Variants in UNC93A observed in about 807,000 individuals in gnomAD.
UNC93A encodes N-acetylglucosamine transporter UNC93A.
In UNC93A, 43 loss-of-function variants were observed where a neutral mutation model predicts 47.5. The ratio of observed to expected loss-of-function variants is 0.91; its 90% CI spans 0.71 to 1.17. The LOEUF (loss-of-function observed/expected upper bound fraction) is 1.17. Among genes scored for constraint, UNC93A ranks in the 50% most tolerant of loss-of-function variants. The pLI is 0.00. For synonymous variants in UNC93A, 280 were observed against 258.0 expected (o/e 1.09, Z -0.82); for missense variants, 605 against 577.6 (o/e 1.05, Z -0.49).
At position 167,315,325 on chromosome 6, in the gene UNC93A, G is replaced by A. The variant is rs769868900; in HGVS notation, c.1247G>A (p.Gly416Glu). Residue 416 changes from glycine (G) to glutamate (E), a missense_variant, in exon 8 of 8, where the codon GGG (glycine) becomes GAG (glutamate). Gly to Glu is a moderately conservative substitution (Grantham distance 98). Transcript: ENST00000230256. ...CVHVKLYILLGVLSLTMVAYG... is the reference protein window; with the variant it reads ...CVHVKLYILLEVLSLTMVAYG... ...CACGTCAAGCTCTACATTCTGCTGG[G>A]GGTCCTGAGCCTGACCATGGTGGCG... The A allele has an allele frequency of 6.2e-7, 1 of 1,613,924 alleles. No individual in the cohort carries two copies. The highest frequency in any genetic ancestry group is 1.1e-5 in the South Asian group (1 of 91,070).
chr6:167,275,092 G>C (rs190739217), intron 1 of UNC93A, among the ~76,000 whole-genome samples: 16 of 152,322 alleles, frequency 1.1e-4, no homozygotes, highest in Non-Finnish European at 2.2e-4. Context: ...CATAGGAGCT[G>C]ACCGTGGCAT....
rs185968029 is a variant in UNC93A at position 167,307,856 on chromosome 6, G to C, written c.1054G>C (p.Val352Leu). 1 of 1,613,976 alleles carries C rather than the reference G, an allele frequency of 6.2e-7. No individual in the cohort carries two copies. Among genetic ancestry groups the C allele is most frequent in the East Asian group, 2.2e-5 (1 of 44,870 alleles). Residue 352 changes from valine to leucine, a missense_variant, in exon 7 of 8, where the codon GTA becomes CTA. Transcript: ENST00000230256. The part of the protein sequence containing the change: ...PRADHLAVFF[V>L]FSGLWGVADA... ...TGCTGACCATCTGGCAGTGTTCTTC[G>C]TATTCTCTGGCCTGTGGGGCGTGGC...
In UNC93A at chr6:167,293,918, G is replaced by A. The variant is rs538576842; in HGVS notation, c.88-599G>A. Among the ~76,000 whole-genome samples the A allele has an allele frequency of 3.3e-4, 51 of 152,294 alleles. 1 individual carries two copies. Among genetic ancestry groups the A allele is most frequent in the African/African-American group, 1.2e-3 (49 of 41,554 alleles). ...ATGGGGCACCCAGCACCCTCGTGGC[G>A]GTGTGTGCCTGCCCGGGTTGTCTCC... On this transcript the variant is annotated intron_variant, in intron 1 of 7. Transcript: ENST00000230256.
intron 1 of UNC93A, among the ~76,000 whole-genome samples, chr6:167,277,093 C>T (rs896608690): frequency 1.3e-5 from 2 of 152,168 alleles, no homozygotes; most frequent in East Asian, 1.9e-4. Flanking sequence ...GCCGGGGGCA[C>T]GTTACGGCCA....
chr6:167,314,420 ACTGTCCCTGCTC>A (rs1299445603), intron 7 of UNC93A, among the ~76,000 whole-genome samples: 3 of 151,994 alleles, frequency 2.0e-5, no homozygotes, highest in South Asian at 2.1e-4. Context: ...TCAGGCTGCC[ACTGTCCCTGCTC>A]CTGTCCCTGC....
At chr6:167,308,581 C>A (rs1017651251) in intron 7 of UNC93A, among the ~76,000 whole-genome samples, 1 of 151,404 alleles carries the variant, frequency 6.6e-6, no homozygotes, top group African/African-American at 2.4e-5. Flanking sequence ...GGAACCAGGG[C>A]AGGAGGTGGC....
chr6:167,282,677 T>C (rs746301670), intron 1 of UNC93A, among the ~76,000 whole-genome samples: 1 of 152,156 alleles, frequency 6.6e-6, no homozygotes, highest in Non-Finnish European at 1.5e-5. Flanking sequence ...CTTTGTAAAG[T>C]ATTAGAAAAG....
intron 4 of UNC93A, among the ~76,000 whole-genome samples, chr6:167,301,673 C>A (rs1778244538): frequency 6.6e-6 from 1 of 152,256 alleles, no homozygotes; most frequent in East Asian, 1.9e-4. Context: ...CATAACCTGC[C>A]TCTCCCCTTC....
At chr6:167,286,368 G>A (rs1175514317), upstream of UNC93A, among the ~76,000 whole-genome samples, 4 of 152,340 alleles carry the variant, frequency 2.6e-5, no homozygotes, top group South Asian at 8.3e-4. Flanking sequence ...GGCTTCTCAA[G>A]GGACCACTGA....
At chr6:167,270,082 T>C (rs1045121834), upstream of UNC93A, among the ~76,000 whole-genome samples, 1 of 148,516 alleles carries the variant, frequency 6.7e-6, no homozygotes, top group Non-Finnish European at 1.5e-5. Context: ...GGCGTTCACA[T>C]GGTCCGGAGT....
intron 1 of UNC93A, among the ~76,000 whole-genome samples, chr6:167,285,059 C>T (rs568260309): frequency 0.019 from 2,866 of 152,278 alleles, 72 homozygotes; most frequent in African/African-American, 0.065. Flanking sequence ...CCAACCTGTT[C>T]CTTCCCACAC....
chr6:167,301,709 G>C (rs1583083100), intron 4 of UNC93A, among the ~76,000 whole-genome samples: 1 of 152,306 alleles, frequency 6.6e-6, no homozygotes, highest in East Asian at 1.9e-4. Flanking sequence ...GGAGATTGTA[G>C]GTTGTGTCCT....
At chr6:167,294,765 C>A in intron 2 of UNC93A, 67 bp downstream of exon 2, 1 of 1,502,328 alleles carries the variant, frequency 6.7e-7, no homozygotes, top group Non-Finnish European at 9.0e-7. Context: ...GTTCACTCTG[C>A]ACATGAGTTG....
intron 1 of UNC93A, among the ~76,000 whole-genome samples, chr6:167,293,918 G>T (rs538576842): frequency 6.6e-6 from 1 of 152,176 alleles, no homozygotes; most frequent in Non-Finnish European, 1.5e-5. Flanking sequence ...CCCTCGTGGC[G>T]GTGTGTGCCT....
Position 167,298,176 on chromosome 6 carries a change from C to G in UNC93A, c.625+106C>G, listed in dbSNP as rs1778144399. 5.4e-6 allele frequency: 8 copies of G among 1,479,480 alleles called. No individual in the cohort carries two copies. The East Asian group carries it at 9.3e-5, about 17-fold the overall frequency. The allele number at this position is 1,479,480 out of a possible 1,614,324, so 91.6% of individuals were successfully genotyped here. Reference sequence around the variant, plus strand: ...TCCCAATGTAAAAGTAATCTCTCTTCTTCTGAAATATCCTTGCAAAATGTA... The same window carrying G: ...TCCCAATGTAAAAGTAATCTCTCTTGTTCTGAAATATCCTTGCAAAATGTA... On this transcript the variant is annotated intron_variant, in intron 4 of 7. Coordinates refer to ENST00000230256, the MANE Select transcript of UNC93A (RefSeq NM_018974.4).
intron 6 of UNC93A, among the ~76,000 whole-genome samples, chr6:167,307,273 G>C (rs1427010588): frequency 6.6e-6 from 1 of 152,192 alleles, no homozygotes; most frequent in Non-Finnish European, 1.5e-5. Context: ...GCAGGTGTAT[G>C]GTGCAGAGCA....
chr6:167,314,874 T>C (rs192589663), intron 7 of UNC93A, among the ~76,000 whole-genome samples: 15 of 152,284 alleles, frequency 9.9e-5, no homozygotes, highest in Middle Eastern at 6.8e-3. Context: ...TGATGTCTCA[T>C]GTCTCCCTAG....
chr6:167,305,558 GT>G (rs371486579), intron 5 of UNC93A, among the ~76,000 whole-genome samples: 2,041 of 149,730 alleles, frequency 0.014, 46 homozygotes, highest in African/African-American at 0.047. Context: ...TTCTCTCTCT[GT>G]TTTTTTTTTA....
intron 1 of UNC93A, among the ~76,000 whole-genome samples, chr6:167,278,192 A>G (rs571187058): frequency 2.6e-5 from 4 of 152,306 alleles, no homozygotes; most frequent in Non-Finnish European, 5.9e-5. Flanking sequence ...AACCTCAGTC[A>G]CTTGTTTTCA....
Sources: gnomAD v4.1 joint callset for allele counts (sites outside exome capture counted in the v4.1 genomes callset) on GRCh38, gnomAD v4.1.1 for gene constraint, MANE v1.5 for transcripts, NCBI Gene and HGNC (gene_info 2026-07-23, HGNC 2026-07-21) for gene names.